The following ZNF346 variants were observed in gnomAD, a reference collection of about 807,000 sequenced individuals.
ZNF346 encodes the protein double-stranded RNA-binding zinc finger protein JAZ.
In ZNF346, 23 loss-of-function variants were observed where a neutral mutation model predicts 33.7. The observed-to-expected ratio is 0.68, with a 90% CI of 0.49 to 0.97. The LOEUF (loss-of-function observed/expected upper bound fraction) is 0.97, where lower values mean the gene tolerates loss of function less well. Ranked by LOEUF, ZNF346 falls within the 50% of genes least tolerant of loss-of-function variation. The pLI, the probability that ZNF346 is intolerant of heterozygous loss-of-function variation, is 0.00. For synonymous variants in ZNF346, 134 were observed against 142.4 expected, an observed-to-expected ratio of 0.94 and a Z score of 0.42; for missense variants, 340 against 371.1, an observed-to-expected ratio of 0.92 and a Z score of 0.69.
intron 5 of ZNF346, among the ~76,000 whole-genome samples, chr5:177,061,673 C>T (rs1363793937): frequency 6.6e-6 from 1 of 152,164 alleles, no homozygotes; most frequent in African/African-American, 2.4e-5. Flanking sequence ...TTACCGCAAG[C>T]CCTAGGAGAG....
chr5:177,036,559 AG>A (rs575327654), intron 1 of ZNF346, among the ~76,000 whole-genome samples: 12 of 152,232 alleles, frequency 7.9e-5, no homozygotes, highest in African/African-American at 2.9e-4. Context: ...ACGCAGCCTC[AG>A]GGTGGCCATG....
intron 1 of ZNF346, among the ~76,000 whole-genome samples, chr5:177,038,876 T>TTGTGTGTG (rs56812954): frequency 0.014 from 1,924 of 135,414 alleles, 33 homozygotes; most frequent in African/African-American, 0.027. Context: ...CTTCTTCTTC[T>TTGTGTGTG]TGTGTGTGTG....
chr5:177,035,490 TAC>T (rs1346863550), intron 1 of ZNF346, among the ~76,000 whole-genome samples: 1 of 152,032 alleles, frequency 6.6e-6, no homozygotes, highest in Non-Finnish European at 1.5e-5. Flanking sequence ...GACAGAGTTT[TAC>T]TCCTGTTGCC....
At chr5:177,029,009 G>A (rs541768015) in intron 1 of ZNF346, among the ~76,000 whole-genome samples, 5 of 151,616 alleles carry the variant, frequency 3.3e-5, no homozygotes, top group East Asian at 2.0e-4. Flanking sequence ...GTGAGCCACC[G>A]CACCCGGCCA....
In ZNF346 at chr5:177,066,424, A is replaced by C. The variant is rs767646107; in HGVS notation, c.*1825A>C. On this transcript the variant is annotated 3_prime_UTR_variant, in exon 7 of 7. Coordinates refer to ENST00000358149, the MANE Select transcript of ZNF346 (RefSeq NM_012279.4). ...CTGATGTCCATAGTGGTGTGTCATG[A>C]ATTTTTATTGAATGAACAAATGAGG... Among the ~76,000 whole-genome samples, 8 of 152,014 alleles carry C rather than the reference A, an allele frequency of 5.3e-5. No homozygotes were observed. The highest frequency in any genetic ancestry group is 1.2e-4 in the Non-Finnish European group (8 of 68,020).
intron 1 of ZNF346, among the ~76,000 whole-genome samples, chr5:177,036,671 C>A (rs1038329700): frequency 6.6e-5 from 10 of 152,186 alleles, no homozygotes; most frequent in Admixed American, 6.5e-5. Context: ...GCCAGTGAAG[C>A]CTTTCACTCT....
At chr5:177,024,738 G>A (rs1019648338) in intron 1 of ZNF346, among the ~76,000 whole-genome samples, 3 of 152,196 alleles carry the variant, frequency 2.0e-5, no homozygotes, top group African/African-American at 7.2e-5. Flanking sequence ...TTTAAGAGTT[G>A]GAGGTGCACA....
rs1181246089 is a variant in ZNF346, at chr5:177,022,857, G to A, written c.119G>A (p.Arg40Lys). Residue 40 changes from arginine (R) to lysine (K), a missense_variant, in exon 1 of 7, where the codon AGG (arginine) becomes AAG (lysine). By Grantham distance (26) the Arg-to-Lys change is conservative. Coordinates refer to ENST00000358149, the MANE Select transcript of ZNF346 (RefSeq NM_012279.4). ...EPDGVRFDRERARRLWEAVSG... is the reference protein window; with the variant it reads ...EPDGVRFDREKARRLWEAVSG... ...GACGGGGTGCGCTTTGACCGCGAGA[G>A]GGCGCGCCGCCTGTGGGAAGCCGTG... is the stretch of plus-strand genomic sequence containing the variant. 1 of 1,529,524 alleles carries A rather than the reference G, an allele frequency of 6.5e-7. No individual in the cohort carries two copies. Among genetic ancestry groups the A allele is most frequent in the African/African-American group, 1.4e-5 (1 of 71,926 alleles). 94.7% of individuals were successfully genotyped at this position (1,529,524 alleles called of 1,614,324 possible). A position where few individuals can be genotyped will look rare whatever the true frequency, so the allele number is the denominator to read the frequency against.
chr5:177,043,464 A>G (rs1457190150), intron 3 of ZNF346, among the ~76,000 whole-genome samples: 1 of 152,086 alleles, frequency 6.6e-6, no homozygotes, highest in Non-Finnish European at 1.5e-5. Flanking sequence ...ATCATAATCA[A>G]CAAGTAGAAC....
rs1460140148 is a variant in ZNF346, at chr5:177,041,196, T to C, written c.246T>C (p.Leu82=). The C allele has an allele frequency of 6.2e-7, 1 of 1,614,228 alleles. No homozygotes were observed. The highest frequency in any genetic ancestry group is 1.1e-5 in the South Asian group (1 of 91,084). ...AGTGTAAGGTTTGCTGCGCCTTGCT[T>C]ATTTCTGAGTCCCAGAAGCTGGCAC... ...NTQCKVCCAL[L]ISESQKLAHY... is the part of the protein sequence containing the mutation. The change falls in exon 2 of 7, where the codon CTT becomes CTC. Residue 82 remains leucine (L), a synonymous_variant. Transcript: ENST00000358149.
intron 5 of ZNF346, among the ~76,000 whole-genome samples, chr5:177,058,230 T>G (rs1052722511): frequency 2.7e-5 from 4 of 150,712 alleles, no homozygotes; most frequent in African/African-American, 9.7e-5. Flanking sequence ...ATTCCAGCAC[T>G]TTGGGAGGCT....
intron 1 of ZNF346, among the ~76,000 whole-genome samples, chr5:177,034,530 A>C (rs942512289): frequency 1.3e-5 from 2 of 151,960 alleles, no homozygotes; most frequent in African/African-American, 4.8e-5. Flanking sequence ...CCCAACCCTT[A>C]AATTTGTTAA....
intron 1 of ZNF346, chr5:177,023,134 TCCTC>T: frequency 6.7e-7 from 1 of 1,503,744 alleles, no homozygotes; most frequent in Non-Finnish European, 9.0e-7. Flanking sequence ...TGGGTTTTCC[TCCTC>T]CTCCTTCATC....
chr5:177,038,875 C>CT lies in ZNF346; in HGVS notation c.176-2249dup, dbSNP rs1425337485. Among the ~76,000 whole-genome samples, 96 of 89,168 alleles carry CT rather than the reference C, an allele frequency of 1.1e-3. 2 individuals carry two copies. Among genetic ancestry groups the CT allele is most frequent in the Admixed American group, 9.7e-3 (68 of 7,038 alleles). 58.5% of individuals were successfully genotyped at this position (89,168 alleles called of 152,430 possible). A position where few individuals can be genotyped will look rare whatever the true frequency, so the allele number is the denominator to read the frequency against. ...TTTTTTCTTCTTTTTTCTTCTTCTT[C>CT]TTGTGTGTGTGTGTGTGTGTGTGTG... is the stretch of plus-strand genomic sequence containing the variant. On this transcript the variant is annotated intron_variant, in intron 1 of 6. Transcript: ENST00000358149.
intron 1 of ZNF346, among the ~76,000 whole-genome samples, chr5:177,039,177 A>C (rs9632435): frequency 0.14 from 21,635 of 151,558 alleles, 3,293 homozygotes; most frequent in African/African-American, 0.38. Flanking sequence ...AGGCATTACC[A>C]ATCGTGCCTG....
At chr5:177,034,499 T>G (rs10076857) in intron 1 of ZNF346, among the ~76,000 whole-genome samples, 20,008 of 152,172 alleles carry the variant, frequency 0.13, 3,104 homozygotes, top group African/African-American at 0.37. Context: ...AGTGCTGGGA[T>G]TATAGGCATG....
chr5:177,064,470 G>A (rs377207512), intron 6 of ZNF346, 42 bp from the exon 7 acceptor site: 4 of 1,516,114 alleles, frequency 2.6e-6, no homozygotes, highest in South Asian at 1.1e-5. Context: ...CAATACAGCT[G>A]CCACACACTG....
At chr5:177,030,303 G>C (rs962846486) in intron 1 of ZNF346, among the ~76,000 whole-genome samples, 1 of 151,904 alleles carries the variant, frequency 6.6e-6, no homozygotes, top group East Asian at 2.0e-4. Flanking sequence ...GAATATACTT[G>C]AGATGAGTTC....
At chr5:177,028,496 T>TTATATGTA (rs1554142625) in intron 1 of ZNF346, among the ~76,000 whole-genome samples, 1 of 90,540 alleles carries the variant, frequency 1.1e-5, no homozygotes, top group East Asian at 3.0e-4. Flanking sequence ...TTGTGACGTT[T>TTATATGTA]TATATATATA....
Sources: gnomAD v4.1 joint callset for allele counts (sites outside exome capture counted in the v4.1 genomes callset) on GRCh38, gnomAD v4.1.1 for gene constraint, MANE v1.5 for transcripts, NCBI Gene and HGNC (gene_info 2026-07-23, HGNC 2026-07-21) for gene names.